AFF3: variants seen among roughly 807,000 people sequenced by gnomAD.
AFF3 encodes ALF transcription elongation factor 3.
AFF3 carries 32 observed loss-of-function variants against 129.7 expected under a neutral mutation model. That is an observed-to-expected ratio of 0.25 (90% confidence interval 0.19 to 0.33). The LOEUF (loss-of-function observed/expected upper bound fraction) is 0.33, where lower values mean the gene tolerates loss of function less well. Among genes scored for constraint, AFF3 ranks in the 10% least tolerant of loss-of-function variants. The probability of loss-of-function intolerance (pLI) is 1.00; values close to 1 mark genes in which losing one functional copy is unlikely to be tolerated. For synonymous variants in AFF3, 644 were observed against 635.4 expected, an observed-to-expected ratio of 1.01 and a Z score of -0.20; for missense variants, 1,373 against 1,592.0, an observed-to-expected ratio of 0.86 and a Z score of 2.34.
chr2:99,586,471 T>C (rs889675979), intron 16 of AFF3, among the ~76,000 whole-genome samples: 2 of 152,266 alleles, frequency 1.3e-5, no homozygotes, highest in African/African-American at 4.8e-5. Flanking sequence ...CAAAATTCTA[T>C]GTATACGGTC....
At chr2:99,908,466 A>G (rs1248427252) in intron 7 of AFF3, among the ~76,000 whole-genome samples, 2 of 152,242 alleles carry the variant, frequency 1.3e-5, no homozygotes, top group Non-Finnish European at 2.9e-5. Context: ...AAAAGCCAAA[A>G]TTGACAAATG....
At chr2:99,742,394 C>T (rs1277284833) in intron 10 of AFF3, among the ~76,000 whole-genome samples, 7 of 152,006 alleles carry the variant, frequency 4.6e-5, no homozygotes, top group African/African-American at 1.7e-4. Context: ...AAAGAAAAAG[C>T]CAATCAAAAA....
Position 100,083,264 on chromosome 2 carries a change from C to T in AFF3, c.53+21138G>A, listed in dbSNP as rs77912025. ...TACGAGGAAGTCTAGGTCAATCAGC[C>T]GGTTTGCAGTTCAGGCAAATCTAAG... On this transcript the variant is annotated intron_variant, in intron 4 of 24. Transcript: ENST00000672756. 1.5e-3 allele frequency among the ~76,000 whole-genome samples: 223 copies of T among 152,260 alleles called. 6 individuals carry two copies. The East Asian group carries it at 0.039, about 27-fold the overall frequency.
At chr2:100,036,703 G>C (rs1036275934) in intron 4 of AFF3, among the ~76,000 whole-genome samples, 1 of 151,694 alleles carries the variant, frequency 6.6e-6, no homozygotes, top group East Asian at 1.9e-4. Context: ...GTAGTCTCAT[G>C]ATATATATAA....
intron 4 of AFF3, among the ~76,000 whole-genome samples, chr2:100,086,632 C>A (rs1296273329): frequency 6.6e-6 from 1 of 152,156 alleles, no homozygotes; most frequent in African/African-American, 2.4e-5. Context: ...ATCCAGGTAA[C>A]AATTCAAGTC....
At chr2:99,758,672 C>A (rs994090561) in intron 8 of AFF3, among the ~76,000 whole-genome samples, 1 of 150,708 alleles carries the variant, frequency 6.6e-6, no homozygotes, top group Non-Finnish European at 1.5e-5. Context: ...ATGATGATGG[C>A]TCCTATTAAG....
chr2:99,946,473 T>TAAAAAAAAAAAAAA lies in AFF3; in HGVS notation c.873+60145_873+60158dup, dbSNP rs55672296. Among the ~76,000 whole-genome samples, 37 of 50,504 alleles carry TAAAAAAAAAAAAAA rather than the reference T, an allele frequency of 7.3e-4. 2 individuals are homozygous for TAAAAAAAAAAAAAA. The highest frequency in any genetic ancestry group is 1.8e-3 in the African/African-American group (20 of 11,200). 33.1% of individuals were successfully genotyped at this position (50,504 alleles called of 152,430 possible). A position where few individuals can be genotyped will look rare whatever the true frequency, so the allele number is the denominator to read the frequency against. ...TGGTTGACAGAGTGAGACGCCATCT[T>TAAAAAAAAAAAAAA]AAAAAAAAAAAAAAAAAAAAAAAAA... On this transcript the variant is annotated intron_variant, in intron 7 of 24. Coordinates refer to ENST00000672756, the MANE Select transcript of AFF3 (RefSeq NM_001386135.1).
intron 4 of AFF3, among the ~76,000 whole-genome samples, chr2:100,087,577 A>G (rs886139336): frequency 6.6e-6 from 1 of 151,902 alleles, no homozygotes; most frequent in African/African-American, 2.4e-5. Context: ...TCTTACTTAC[A>G]GGACTATCAT....
chr2:99,836,710 GT>G (rs554422329), intron 8 of AFF3, among the ~76,000 whole-genome samples: 109 of 143,136 alleles, frequency 7.6e-4, no homozygotes, highest in African/African-American at 1.5e-3. Flanking sequence ...AAAATAAAGT[GT>G]TTTTTTTTTT....
chr2:99,917,321 C>T (rs116279679), intron 7 of AFF3, among the ~76,000 whole-genome samples: 1,817 of 152,276 alleles, frequency 0.012, 39 homozygotes, highest in African/African-American at 0.041. Context: ...GCTGAACCCA[C>T]CCAGAAGCCA....
At position 99,565,743 on chromosome 2, in the gene AFF3, C is replaced by T. The variant is rs1050892219; in HGVS notation, c.2983-120G>A. Reference sequence around the variant, plus strand: ...CTCTGACTTCTAAAATCCTATGAAGCTGAGAGAAGAAAGAAATAGAATACT... The same window carrying T: ...CTCTGACTTCTAAAATCCTATGAAGTTGAGAGAAGAAAGAAATAGAATACT... On this transcript the variant is annotated intron_variant, in intron 19 of 24. Transcript: ENST00000672756. The T allele has an allele frequency of 8.0e-6, 9 of 1,125,488 alleles. No homozygotes were observed. The African/African-American group carries it at 1.2e-4, about 16-fold the overall frequency. The allele number at this position is 1,125,488 out of a possible 1,614,324, so 69.7% of individuals were successfully genotyped here. A position where few individuals can be genotyped will look rare whatever the true frequency, so the allele number is the denominator to read the frequency against.
chr2:99,593,263 C>T lies in AFF3; in HGVS notation c.2398G>A (p.Ala800Thr), dbSNP rs760523833. The change falls in exon 15 of 25, where the codon GCA (alanine) becomes ACA (threonine). Residue 800 changes from alanine (A) to threonine (T), a missense_variant. Ala to Thr is a moderately conservative substitution (Grantham distance 58). Transcript: ENST00000672756. Reference protein sequence around the residue: ...SAPATKDSESAPPSHTSDTPA... With the variant: ...SAPATKDSESTPPSHTSDTPA... ...GTGTCCGAGGTGTGGCTGGGCGGTGCGCTCTCAGAGTCCTTGGTGGCAGGG... is the reference window on the plus strand; with the variant it reads ...GTGTCCGAGGTGTGGCTGGGCGGTGTGCTCTCAGAGTCCTTGGTGGCAGGG... 29 of 1,612,318 alleles carry T rather than the reference C, an allele frequency of 1.8e-5. No individual in the cohort carries two copies. Among genetic ancestry groups the T allele is most frequent in the African/African-American group, 2.7e-5 (2 of 74,844 alleles).
chr2:100,126,942 C>A (rs1352078126), intron 2 of AFF3, among the ~76,000 whole-genome samples: 1 of 152,154 alleles, frequency 6.6e-6, no homozygotes, highest in African/African-American at 2.4e-5. Context: ...TGTTTAAAGT[C>A]TAAGATGGAA....
chr2:100,109,669 G>A (rs544593083), intron 2 of AFF3, among the ~76,000 whole-genome samples: 6 of 152,254 alleles, frequency 3.9e-5, no homozygotes, highest in East Asian at 3.9e-4. Context: ...ATAACTAATC[G>A]TATCATTAGC....
intron 13 of AFF3, among the ~76,000 whole-genome samples, chr2:99,608,970 A>G (rs1251898597): frequency 6.6e-6 from 1 of 152,188 alleles, no homozygotes. Flanking sequence ...GGCTCAATAT[A>G]AAATAGAAAA....
chr2:99,746,036 G>A (rs1285198625), intron 9 of AFF3, among the ~76,000 whole-genome samples: 2 of 151,978 alleles, frequency 1.3e-5, no homozygotes, highest in Non-Finnish European at 2.9e-5. Flanking sequence ...ACACTACTCA[G>A]GTGATGGGTA....
intron 13 of AFF3, 115 bp from the exon 14 acceptor site, chr2:99,601,736 C>A: frequency 8.0e-7 from 1 of 1,243,578 alleles, no homozygotes; most frequent in Non-Finnish European, 1.1e-6. Flanking sequence ...GCAGCCTACA[C>A]ATCTGTCAAC....
intron 7 of AFF3, among the ~76,000 whole-genome samples, chr2:99,877,320 TGAG>T (rs927616171): frequency 3.6e-4 from 55 of 152,298 alleles, no homozygotes; most frequent in African/African-American, 1.3e-3. Flanking sequence ...AGGAAGATGA[TGAG>T]CTCAGTTTGG....
chr2:99,551,196 C>G lies in AFF3; in HGVS notation c.*278G>C. 3.8e-6 allele frequency: 2 copies of G among 531,742 alleles called. No homozygotes were observed. Among genetic ancestry groups the G allele is most frequent in the Non-Finnish European group, 6.7e-6 (2 of 298,218 alleles). 32.9% of individuals were successfully genotyped at this position (531,742 alleles called of 1,614,324 possible). On this transcript the variant is annotated 3_prime_UTR_variant, in exon 25 of 25. Transcript: ENST00000672756. Reference sequence around the variant, plus strand: ...TGTGTGTGTGTGTACTTCCTCTAGTCAGAAACCTCTGATCACTTTGTCTAG... The same window carrying G: ...TGTGTGTGTGTGTACTTCCTCTAGTGAGAAACCTCTGATCACTTTGTCTAG...
Sources: gnomAD v4.1 joint callset for allele counts (sites outside exome capture counted in the v4.1 genomes callset) on GRCh38, gnomAD v4.1.1 for gene constraint, MANE v1.5 for transcripts, NCBI Gene and HGNC (gene_info 2026-07-23, HGNC 2026-07-21) for gene names.